Variants in GRAMD1B observed in about 807,000 individuals in gnomAD.
GRAMD1B encodes the protein protein Aster-B.
A neutral mutation model predicts 99.7 loss-of-function variants in GRAMD1B; 37 were observed. The observed-to-expected ratio is 0.37, with a 90% CI of 0.29 to 0.49. The LOEUF is 0.49. Ranked by LOEUF, GRAMD1B falls within the 20% of genes least tolerant of loss-of-function variation. The pLI is 0.98. For synonymous variants in GRAMD1B, 427 were observed against 387.6 expected (o/e 1.10, Z -1.19); for missense variants, 888 against 1,009.2 (o/e 0.88, Z 1.63).
chr11:123,437,646 C>G (rs1208239833), intron 1 of GRAMD1B, among the ~76,000 whole-genome samples: 1 of 152,174 alleles, frequency 6.6e-6, no homozygotes, highest in Non-Finnish European at 1.5e-5. Flanking sequence ...CTCAGGGTTT[C>G]CACTTAGCTC....
intron 2 of GRAMD1B, among the ~76,000 whole-genome samples, chr11:123,481,589 G>A (rs1029214418): frequency 1.2e-4 from 18 of 152,212 alleles, no homozygotes; most frequent in Admixed American, 3.3e-4. Flanking sequence ...CAGGATGTCA[G>A]GTGTTGGATG....
At chr11:123,391,658 G>A (rs1277738164) in intron 1 of GRAMD1B, among the ~76,000 whole-genome samples, 1 of 152,190 alleles carries the variant, frequency 6.6e-6, no homozygotes, top group South Asian at 2.1e-4. Flanking sequence ...GTTTCACCAT[G>A]TTGGTCAGGC....
intron 16 of GRAMD1B, among the ~76,000 whole-genome samples, chr11:123,614,061 G>A (rs138271200): frequency 7.9e-5 from 12 of 152,098 alleles, no homozygotes; most frequent in South Asian, 4.2e-4. Flanking sequence ...ACTTCAACCC[G>A]CATGGGCCAA....
At position 123,627,365 on chromosome 11, in the gene GRAMD1B, C is replaced by T. The variant is rs1955557220; in HGVS notation, c.*4770C>T. On this transcript the variant is annotated 3_prime_UTR_variant, in exon 20 of 20. Coordinates refer to ENST00000635736, the MANE Select transcript of GRAMD1B (RefSeq NM_001387025.1). ...TCCCCACATTTTCCTACCCTGCACT[C>T]AAGGGCCAGACCACTCTCTGCATGG... The T allele has an allele frequency of 6.6e-6, 1 of 152,288 alleles. No individual in the cohort carries two copies. Among genetic ancestry groups the T allele is most frequent in the South Asian group, 2.1e-4 (1 of 4,836 alleles). The allele number at this position is 152,288 out of a possible 1,614,324, so 9.4% of individuals were successfully genotyped here. A position where few individuals can be genotyped will look rare whatever the true frequency, so the allele number is the denominator to read the frequency against.
intron 1 of GRAMD1B, among the ~76,000 whole-genome samples, chr11:123,415,073 C>G (rs865875791): frequency 1.5e-3 from 173 of 112,028 alleles, no homozygotes; most frequent in Middle Eastern, 4.9e-3. Context: ...TCTTTTTTTT[C>G]TTTTTTCTTT....
rs941873425 is a variant in GRAMD1B at position 123,613,448 on chromosome 11, C to G, written c.2024-7C>G. 3 of 1,602,284 alleles carry G rather than the reference C, an allele frequency of 1.9e-6. No individual in the cohort carries two copies. In the African/African-American group the frequency reaches 4.0e-5, roughly 21 times the overall value. On this transcript the variant is annotated splice_region_variant and splice_polypyrimidine_tract_variant and intron_variant, in intron 15 of 19. Transcript: ENST00000635736. Reference sequence around the variant, plus strand: ...GGCCTCTCCTGTGGTCCTTTTGTCTCTGATAGAGAGCGAGCTGGCCAAAAC... The same window carrying G: ...GGCCTCTCCTGTGGTCCTTTTGTCTGTGATAGAGAGCGAGCTGGCCAAAAC...
intron 3 of GRAMD1B, among the ~76,000 whole-genome samples, chr11:123,579,147 CAG>C (rs1171423133): frequency 1.3e-5 from 2 of 152,320 alleles, no homozygotes; most frequent in South Asian, 2.1e-4. Context: ...TGGCCAGTGC[CAG>C]AGTCTTTCCC....
chr11:123,563,245 A>G lies in GRAMD1B; in HGVS notation c.453-14122A>G, dbSNP rs539812917. Among the ~76,000 whole-genome samples the G allele has an allele frequency of 1.1e-4, 17 of 152,348 alleles. No homozygotes were observed. In the South Asian group the frequency reaches 3.1e-3, roughly 28 times the overall value. On this transcript the variant is annotated intron_variant, in intron 2 of 19. Coordinates refer to ENST00000635736, the MANE Select transcript of GRAMD1B (RefSeq NM_001387025.1). ...AGGAAACAGTTTGAGCTTAAAATAA[A>G]AACTATCAGAGCTGTCCCAAGGTGC...
At chr11:123,532,752 A>G (rs538204356) in intron 2 of GRAMD1B, among the ~76,000 whole-genome samples, 2 of 152,370 alleles carry the variant, frequency 1.3e-5, no homozygotes, top group African/African-American at 2.4e-5. Context: ...ATAATATGAC[A>G]TGCAAAAATT....
intron 15 of GRAMD1B, 109 bp from the exon 16 acceptor site, chr11:123,613,346 C>T: frequency 1.2e-6 from 1 of 808,488 alleles, no homozygotes; most frequent in Non-Finnish European, 2.0e-6. Flanking sequence ...TGAGGATCCT[C>T]AACCCACCCA....
chr11:123,589,365 G>C (rs1317100125), intron 4 of GRAMD1B, among the ~76,000 whole-genome samples: 1 of 151,858 alleles, frequency 6.6e-6, no homozygotes, highest in East Asian at 2.0e-4. Flanking sequence ...TGTTAGGGGA[G>C]GGTTTGCAGG....
intron 2 of GRAMD1B, among the ~76,000 whole-genome samples, chr11:123,575,936 C>T (rs1021749735): frequency 2.6e-5 from 4 of 152,088 alleles, no homozygotes; most frequent in African/African-American, 9.7e-5. Context: ...AACATTGGGC[C>T]TTGCTTTTCT....
intron 1 of GRAMD1B, among the ~76,000 whole-genome samples, chr11:123,474,725 A>T (rs1471166832): frequency 3.3e-3 from 1 of 302 alleles, no homozygotes; most frequent in Non-Finnish European, 8.6e-3. Context: ...CCCCATTTTT[A>T]TTAACAAAGA....
chr11:123,512,983 A>G (rs1224080824), intron 2 of GRAMD1B, among the ~76,000 whole-genome samples: 1 of 152,156 alleles, frequency 6.6e-6, no homozygotes, highest in African/African-American at 2.4e-5. Context: ...GCCTATTTGT[A>G]TAGTCTAGGT....
At chr11:123,420,920 A>G (rs1159382200) in intron 1 of GRAMD1B, among the ~76,000 whole-genome samples, 1 of 152,206 alleles carries the variant, frequency 6.6e-6, no homozygotes, top group Non-Finnish European at 1.5e-5. Context: ...TGCTCATGAA[A>G]TCTTAGGTGA....
chr11:123,587,610 G>T lies in GRAMD1B; in HGVS notation c.684+3278G>T, dbSNP rs769004043. Among the ~76,000 whole-genome samples the T allele has an allele frequency of 6.6e-6, 1 of 152,188 alleles. No homozygotes were observed. Among genetic ancestry groups the T allele is most frequent in the Non-Finnish European group, 1.5e-5 (1 of 68,036 alleles). Reference sequence around the variant, plus strand: ...TTGGCCTCCTGGCGCATTCCTGCGGGCAGTCTTCTCCATGGCAGCCCCAGA... The same window carrying T: ...TTGGCCTCCTGGCGCATTCCTGCGGTCAGTCTTCTCCATGGCAGCCCCAGA... On this transcript the variant is annotated intron_variant, in intron 4 of 19. Transcript: ENST00000635736. This position sits in a 1 kb window ranked among gnomAD's most constrained non-coding sequence, Gnocchi z 4.2.
chr11:123,595,670 T>A (rs1951186390), intron 6 of GRAMD1B, among the ~76,000 whole-genome samples: 2 of 152,198 alleles, frequency 1.3e-5, no homozygotes, highest in South Asian at 4.1e-4. Flanking sequence ...GCAGGACCTC[T>A]GCACATTTAG....
chr11:123,518,715 G>C (rs532567509), intron 2 of GRAMD1B, among the ~76,000 whole-genome samples: 1 of 152,302 alleles, frequency 6.6e-6, no homozygotes, highest in Admixed American at 6.5e-5. Flanking sequence ...GAATCACTGG[G>C]CATGAGGTCT....
intron 1 of GRAMD1B, among the ~76,000 whole-genome samples, chr11:123,368,275 A>AAAAAAAAAAAAAAAAAAG (rs60644137): frequency 1.7e-4 from 22 of 127,110 alleles, no homozygotes; most frequent in African/African-American, 4.4e-4. Flanking sequence ...AAAAAAAAAA[A>AAAAAAAAAAAAAAAAAAG]AAAGAAAGAA....
Sources: allele counts gnomAD v4.1 joint callset (sites outside exome capture counted in the v4.1 genomes callset), GRCh38; gene constraint gnomAD v4.1.1; non-coding constraint Gnocchi (gnomAD v3.1); transcripts MANE v1.5; gene names NCBI Gene and HGNC (gene_info 2026-07-23, HGNC 2026-07-21).